KCNIP4: variants seen among roughly 807,000 people sequenced by gnomAD.
The protein encoded by KCNIP4 is potassium voltage-gated channel interacting protein 4.
In KCNIP4, 12 loss-of-function variants were observed where a neutral mutation model predicts 34.0. The observed-to-expected ratio is 0.35, with a 90% CI of 0.23 to 0.57. The LOEUF (loss-of-function observed/expected upper bound fraction) is 0.57, where lower values mean the gene tolerates loss of function less well. Among genes scored for constraint, KCNIP4 ranks in the 20% least tolerant of loss-of-function variants. KCNIP4 has a pLI of 0.83. For missense variants in KCNIP4, 238 were observed against 311.7 expected (o/e 0.76, Z 1.78); for synonymous variants, 124 against 102.2 (o/e 1.21, Z -1.29).
intron 1 of KCNIP4, among the ~76,000 whole-genome samples, chr4:20,987,250 A>C (rs1475874033): frequency 2.6e-5 from 4 of 152,184 alleles, no homozygotes; most frequent in Admixed American, 6.5e-5. Context: ...AAATTTAAAA[A>C]AGTAACTCCA....
intron 1 of KCNIP4, among the ~76,000 whole-genome samples, chr4:21,738,356 A>G (rs935959480): frequency 6.6e-6 from 1 of 152,156 alleles, no homozygotes; most frequent in Admixed American, 6.5e-5. Context: ...ATTCAAGGCA[A>G]CTGGAAGAGG....
rs1754258955 is a variant in KCNIP4, at chr4:20,754,982, T to C, written c.358+3839A>G. Among the ~76,000 whole-genome samples the C allele has an allele frequency of 2.6e-5, 4 of 152,290 alleles. No homozygotes were observed. The South Asian group carries it at 8.3e-4, about 32-fold the overall frequency. ...TTTTTCTTTAAAAAATCCATGGGTT[T>C]TAAACAATTTAGAAAAACATGAGGT... On this transcript the variant is annotated intron_variant, in intron 4 of 8. Transcript: ENST00000382152.
intron 1 of KCNIP4, among the ~76,000 whole-genome samples, chr4:20,923,902 A>G (rs73805224): frequency 0.024 from 3,628 of 152,154 alleles, 130 homozygotes; most frequent in African/African-American, 0.075. Context: ...ACACTCTAAT[A>G]TATTCAGTAT....
chr4:20,875,148 A>G (rs1387438345), intron 2 of KCNIP4, among the ~76,000 whole-genome samples: 1 of 152,204 alleles, frequency 6.6e-6, no homozygotes, highest in Non-Finnish European at 1.5e-5. Context: ...TTCCTGCACA[A>G]TATGTGCTGT....
chr4:21,123,833 G>A (rs1750375770), intron 1 of KCNIP4, among the ~76,000 whole-genome samples: 1 of 152,088 alleles, frequency 6.6e-6, no homozygotes, highest in South Asian at 2.1e-4. Context: ...GAAAGGCCGT[G>A]TGAATGTATA....
intron 1 of KCNIP4, among the ~76,000 whole-genome samples, chr4:21,568,193 T>C (rs747215833): frequency 1.3e-5 from 2 of 152,108 alleles, no homozygotes; most frequent in Non-Finnish European, 2.9e-5. Flanking sequence ...AATTCATGTG[T>C]TGAGTTTCTA....
At chr4:20,876,197 A>T (rs191186080) in intron 2 of KCNIP4, among the ~76,000 whole-genome samples, 1 of 152,288 alleles carries the variant, frequency 6.6e-6, no homozygotes, top group African/African-American at 2.4e-5. Context: ...ACAGATAATC[A>T]AGTGTTGAAT....
At chr4:20,958,793 T>C (rs990644080) in intron 1 of KCNIP4, among the ~76,000 whole-genome samples, 4 of 152,232 alleles carry the variant, frequency 2.6e-5, no homozygotes, top group Non-Finnish European at 2.9e-5. Context: ...GCTTTGTATC[T>C]CTGACATCAA....
In KCNIP4 at chr4:20,728,636, T is replaced by G. The variant is rs957488118; in HGVS notation, c.*1446A>C. The G allele has an allele frequency of 6.6e-6, 1 of 152,606 alleles. No homozygotes were observed. Among genetic ancestry groups the G allele is most frequent in the Non-Finnish European group, 1.5e-5 (1 of 68,014 alleles). The allele number at this position is 152,606 out of a possible 1,614,324, so 9.5% of individuals were successfully genotyped here. A position where few individuals can be genotyped will look rare whatever the true frequency, so the allele number is the denominator to read the frequency against. On this transcript the variant is annotated 3_prime_UTR_variant, in exon 9 of 9. Transcript: ENST00000382152. ...TTATAAACATTTTATTTTGCTTTTA[T>G]TTTTTCTTTTTGAAATACAAAATGT...
intron 1 of KCNIP4, among the ~76,000 whole-genome samples, chr4:21,094,619 G>A (rs1391709073): frequency 6.6e-6 from 1 of 152,154 alleles, no homozygotes; most frequent in Non-Finnish European, 1.5e-5. Context: ...GTCTCACATT[G>A]ACTTGTGTAA....
chr4:21,787,917 T>C (rs1720015700), intron 1 of KCNIP4, among the ~76,000 whole-genome samples: 1 of 151,896 alleles, frequency 6.6e-6, no homozygotes, highest in Non-Finnish European at 1.5e-5. Context: ...ACCAATCAAA[T>C]GTGCCATGGG....
chr4:21,069,593 G>C (rs1744713639), intron 1 of KCNIP4, among the ~76,000 whole-genome samples: 1 of 152,152 alleles, frequency 6.6e-6, no homozygotes, highest in Non-Finnish European at 1.5e-5. Context: ...CCAGAAGTGG[G>C]AGAGGACATA....
chr4:21,328,311 G>A (rs1715290034), intron 1 of KCNIP4, among the ~76,000 whole-genome samples: 1 of 152,156 alleles, frequency 6.6e-6, no homozygotes, highest in African/African-American at 2.4e-5. Flanking sequence ...TATGGCTCTT[G>A]CAGATTCATG....
chr4:21,270,985 CCAAAAA>C (rs1762110487), intron 1 of KCNIP4, among the ~76,000 whole-genome samples: 1 of 132,342 alleles, frequency 7.6e-6, no homozygotes, highest in Non-Finnish European at 1.6e-5. Flanking sequence ...GTCCCTGTCC[CCAAAAA>C]AAAAAAAAAA....
chr4:21,375,571 C>CT (rs60626237), intron 1 of KCNIP4, among the ~76,000 whole-genome samples: 18 of 130,116 alleles, frequency 1.4e-4, no homozygotes, highest in African/African-American at 3.4e-4. Flanking sequence ...GAATTTTTTT[C>CT]TTTTTTTTTT....
intron 1 of KCNIP4, among the ~76,000 whole-genome samples, chr4:20,926,853 GT>G (rs1272222119): frequency 6.6e-6 from 1 of 152,150 alleles, no homozygotes; most frequent in Non-Finnish European, 1.5e-5. Context: ...CAAATATTTA[GT>G]TTTTGAACAC....
intron 1 of KCNIP4, among the ~76,000 whole-genome samples, chr4:21,530,670 C>T (rs1044542473): frequency 6.6e-6 from 1 of 152,156 alleles, no homozygotes; most frequent in African/African-American, 2.4e-5. Flanking sequence ...AATTCTATAT[C>T]ATTGGATAAG....
intron 1 of KCNIP4, among the ~76,000 whole-genome samples, chr4:21,552,135 C>T (rs12651393): frequency 0.43 from 65,220 of 151,054 alleles, 14,773 homozygotes; most frequent in East Asian, 0.69. Context: ...GGAATTAGTG[C>T]AGTAAAGTTT....
intron 1 of KCNIP4, among the ~76,000 whole-genome samples, chr4:21,615,977 A>T (rs1744568211): frequency 6.6e-6 from 1 of 152,178 alleles, no homozygotes; most frequent in South Asian, 2.1e-4. Context: ...TCTATTCTGA[A>T]CACAGAAACA....
Sources: allele counts gnomAD v4.1 joint callset (sites outside exome capture counted in the v4.1 genomes callset), GRCh38; gene constraint gnomAD v4.1.1; transcripts MANE v1.5; gene names NCBI Gene and HGNC (gene_info 2026-07-23, HGNC 2026-07-21).